The following COA1 variants were observed in gnomAD, a reference collection of about 807,000 sequenced individuals.
COA1 encodes cytochrome c oxidase assembly factor 1 homolog.
Under a neutral mutation model 16.0 loss-of-function variants are expected in COA1, and 13 were observed. The observed-to-expected ratio is 0.81, with a 90% CI of 0.53 to 1.29. The LOEUF (loss-of-function observed/expected upper bound fraction) is 1.29, where lower values mean the gene tolerates loss of function less well. Ranked by LOEUF, COA1 falls within the 50% of genes most tolerant of loss-of-function variation. The pLI is 0.00. For missense variants in COA1, 179 were observed against 177.0 expected (o/e 1.01, Z -0.06); for synonymous variants, 65 against 65.7 (o/e 0.99, Z 0.05).
downstream of COA1, among the ~76,000 whole-genome samples, chr7:43,637,735 T>A (rs2153055178): frequency 6.6e-6 from 1 of 152,338 alleles, no homozygotes; most frequent in East Asian, 1.9e-4. Flanking sequence ...GATAGCGGCT[T>A]TCAAATAGAA....
At chr7:43,621,616 T>G (rs2083898423) in intron 6 of COA1, among the ~76,000 whole-genome samples, 1 of 152,132 alleles carries the variant, frequency 6.6e-6, no homozygotes, top group Admixed American at 6.5e-5. Flanking sequence ...CACAGGCACG[T>G]GCCAGCACAG....
intron 1 of COA1, among the ~76,000 whole-genome samples, chr7:43,705,854 C>G (rs576613706): frequency 6.6e-5 from 10 of 152,296 alleles, no homozygotes; most frequent in African/African-American, 1.9e-4. Flanking sequence ...TTTCACTCAC[C>G]CCATCCCTAG....
chr7:43,692,551 A>C (rs1350023360), intron 1 of COA1, among the ~76,000 whole-genome samples: 1 of 151,914 alleles, frequency 6.6e-6, no homozygotes, highest in Non-Finnish European at 1.5e-5. Context: ...CAAAAAAAAA[A>C]CCACCTTCCC....
In COA1 at chr7:43,647,542, G is replaced by A. The variant is rs766718265; in HGVS notation, c.108C>T (p.Leu36=). 2 of 1,611,550 alleles carry A rather than the reference G, an allele frequency of 1.2e-6. No homozygotes were observed. The highest frequency in any genetic ancestry group is 1.1e-5 in the South Asian group (1 of 91,044). The change falls in exon 3 of 6, where the codon CTC becomes CTT. Residue 36 remains leucine (L), a synonymous_variant. Transcript: ENST00000223336. ...GGCTAGCAGGATACTTACTTTGAAT[G>A]AGGTAATACACAATGGCAAAGCCCC... ...YAGGFAIVYY[L]IQKFHSRALY...
intron 1 of COA1, chr7:43,649,595 T>C (rs1386661183): frequency 6.6e-6 from 1 of 152,250 alleles, no homozygotes; most frequent in Admixed American, 6.5e-5. Context: ...AGTATCAAGA[T>C]ATAAGGAATT....
intron 1 of COA1, among the ~76,000 whole-genome samples, chr7:43,652,802 C>T (rs1246781837): frequency 6.6e-6 from 1 of 151,450 alleles, no homozygotes; most frequent in Admixed American, 6.6e-5. Flanking sequence ...TGGGCATGGC[C>T]CACTGCTACT....
chr7:43,722,040 G>C (rs1017844966), intron 1 of COA1, among the ~76,000 whole-genome samples: 1 of 151,646 alleles, frequency 6.6e-6, no homozygotes, highest in Non-Finnish European at 1.5e-5. Context: ...ATTTCAATGA[G>C]AGGAACAATC....
intron 6 of COA1, among the ~76,000 whole-genome samples, chr7:43,619,899 C>A (rs2083703383): frequency 6.6e-6 from 1 of 152,144 alleles, no homozygotes; most frequent in Admixed American, 6.5e-5. Context: ...GAGTAAGATA[C>A]CAAATTGGTG....
At chr7:43,710,394 A>ATATATATATATATT (rs1417053077) in intron 1 of COA1, among the ~76,000 whole-genome samples, 2 of 135,386 alleles carry the variant, frequency 1.5e-5, no homozygotes, top group African/African-American at 2.7e-5. Context: ...ATATATATAT[A>ATATATATATATATT]TTTTTAAGAT....
At position 43,647,565 on chromosome 7, in the gene COA1, C is replaced by A; in HGVS notation, c.85G>T (p.Gly29Cys). 1 of 1,614,102 alleles carries A rather than the reference C, an allele frequency of 6.2e-7. No homozygotes were observed. The highest frequency in any genetic ancestry group is 2.2e-5 in the East Asian group (1 of 44,890). ...ILFHGVFYAG[G>C]FAIVYYLIQK... ...ATGAGGTAATACACAATGGCAAAGC[C>A]CCCGGCATAGAACACACCGTGGAAA... The change falls in exon 3 of 6, where the codon GGC becomes TGC. Residue 29 changes from glycine to cysteine, a missense_variant. Physicochemically the swap from Gly to Cys is radical, Grantham distance 159. Coordinates refer to ENST00000223336, the MANE Select transcript of COA1 (RefSeq NM_018224.4).
rs780438936 is a variant in COA1 at position 43,691,340 on chromosome 7, AGAGGGAGGGAGGGAGGGAGG to A, written c.-39+38069_-39+38088del. Among the ~76,000 whole-genome samples the A allele has an allele frequency of 4.8e-3, 227 of 47,476 alleles. 8 individuals are homozygous for A. Among genetic ancestry groups the A allele is most frequent in the South Asian group, 0.013 (15 of 1,164 alleles). 31.1% of individuals were successfully genotyped at this position (47,476 alleles called of 152,430 possible). ...AAGAAAGAAAGAAAGAGAAAGAGAG[AGAGGGAGGGAGGGAGGGAGG>A]GAGGGAGGGAGGGAGGGAGGAAGGA... is the stretch of plus-strand genomic sequence containing the variant. On this transcript the variant is annotated intron_variant, in intron 1 of 5. Transcript: ENST00000223336.
At chr7:43,634,987 G>GT (rs1466210599), downstream of COA1, among the ~76,000 whole-genome samples, 19 of 152,188 alleles carry the variant, frequency 1.2e-4, no homozygotes, top group African/African-American at 3.9e-4. Flanking sequence ...TCTGATGTTT[G>GT]TTTTATGGAA....
intron 1 of COA1, among the ~76,000 whole-genome samples, chr7:43,664,898 T>C (rs1313652831): frequency 6.6e-6 from 1 of 152,240 alleles, no homozygotes; most frequent in Non-Finnish European, 1.5e-5. Context: ...CCTGCTTACA[T>C]TTCCTTTATG....
intron 1 of COA1, among the ~76,000 whole-genome samples, chr7:43,666,702 T>C (rs2092915879): frequency 6.6e-6 from 1 of 152,202 alleles, no homozygotes; most frequent in South Asian, 2.1e-4. Flanking sequence ...GTATACTGCC[T>C]GCTTTACAGA....
intron 3 of COA1, chr7:43,646,692 T>C (rs2089403704): frequency 2.2e-6 from 1 of 450,978 alleles, no homozygotes; most frequent in Admixed American, 2.4e-5. Context: ...GAGGCCAAAT[T>C]ATTCAGTCTG....
chr7:43,682,385 T>C (rs932272126), intron 1 of COA1, among the ~76,000 whole-genome samples: 1 of 152,198 alleles, frequency 6.6e-6, no homozygotes, highest in Admixed American at 6.5e-5. Flanking sequence ...CATACATGGC[T>C]AGCCTAAAGT....
intron 1 of COA1, among the ~76,000 whole-genome samples, chr7:43,703,296 G>A (rs1317053734): frequency 2.0e-5 from 3 of 152,192 alleles, no homozygotes; most frequent in Admixed American, 6.5e-5. Context: ...TAAATTAGAA[G>A]AATGTATATT....
intron 1 of COA1, among the ~76,000 whole-genome samples, chr7:43,700,393 G>C (rs2094680860): frequency 1.3e-5 from 2 of 151,810 alleles, no homozygotes; most frequent in African/African-American, 4.8e-5. Flanking sequence ...GCCTCTGAAA[G>C]TAGTCTGATT....
chr7:43,691,420 AAAAAG>A (rs1435665506), intron 1 of COA1, among the ~76,000 whole-genome samples: 2 of 78,884 alleles, frequency 2.5e-5, no homozygotes, highest in Admixed American at 1.4e-4. Flanking sequence ...AGGAAGAAAG[AAAAAG>A]AAAGAAAGAA....
Sources: allele counts gnomAD v4.1 joint callset (sites outside exome capture counted in the v4.1 genomes callset), GRCh38; gene constraint gnomAD v4.1.1; transcripts MANE v1.5; gene names NCBI Gene and HGNC (gene_info 2026-07-23, HGNC 2026-07-21).